WDR27: variants seen among roughly 807,000 people sequenced by gnomAD.
WDR27 encodes WD repeat-containing protein 27.
A neutral mutation model predicts 114.4 loss-of-function variants in WDR27; 100 were observed. That is an observed-to-expected ratio of 0.87 (90% CI 0.74 to 1.03). WDR27 has a LOEUF of 1.03. Ranked by LOEUF, WDR27 falls within the 50% of genes least tolerant of loss-of-function variation. The probability of loss-of-function intolerance (pLI) is 0.00; values close to 1 mark genes in which losing one functional copy is unlikely to be tolerated. For synonymous variants in WDR27, 449 were observed against 423.1 expected (o/e 1.06, Z -0.75); for missense variants, 1,129 against 1,092.9 (o/e 1.03, Z -0.47).
At chr6:169,649,866 C>G (rs936889469) in intron 14 of WDR27, among the ~76,000 whole-genome samples, 3 of 148,916 alleles carry the variant, frequency 2.0e-5, no homozygotes, top group Non-Finnish European at 4.5e-5. Context: ...ATCAATTGAG[C>G]CACTCATCCA....
At chr6:169,493,319 T>A (rs1790001843) in intron 25 of WDR27, among the ~76,000 whole-genome samples, 1 of 152,044 alleles carries the variant, frequency 6.6e-6, no homozygotes, top group Non-Finnish European at 1.5e-5. Context: ...TCTGGGAAGA[T>A]AAACAATCAC....
chr6:169,523,620 C>A (rs146368268), intron 25 of WDR27, among the ~76,000 whole-genome samples: 1 of 151,050 alleles, frequency 6.6e-6, no homozygotes, highest in African/African-American at 2.5e-5. Flanking sequence ...GGGATTCATC[C>A]TGGGGATGCC....
chr6:169,613,640 G>A lies in WDR27; in HGVS notation c.2240C>T (p.Thr747Ile). The change falls in exon 22 of 26, where the codon ACC becomes ATC. Residue 747 changes from threonine (T) to isoleucine (I), a missense_variant. Coordinates refer to ENST00000448612, the MANE Select transcript of WDR27 (RefSeq NM_182552.5). ...ICQNKGSSFT[T>I]QQPQAYNLFL... The stretch of plus-strand genomic sequence containing the variant: ...AAGGTTATAAGCCTGAGGCTGTTGG[G>A]TTGTAAATGATGAACCCTATAATTT... The A allele has an allele frequency of 1.9e-6, 3 of 1,613,450 alleles. No homozygotes were observed. The highest frequency in any genetic ancestry group is 1.7e-5 in the Admixed American group (1 of 60,012).
At chr6:169,506,717 T>C (rs968915190) in intron 25 of WDR27, among the ~76,000 whole-genome samples, 6 of 152,206 alleles carry the variant, frequency 3.9e-5, no homozygotes, top group African/African-American at 1.4e-4. Flanking sequence ...TTTGGAAAAA[T>C]AGATTGTACT....
chr6:169,447,472 G>A, the WDR27 span, among the ~76,000 whole-genome samples: 3 of 152,144 alleles, frequency 2.0e-5, no homozygotes, highest in Non-Finnish European at 4.4e-5. Context: ...ACTGGACAAA[G>A]CAATAACGAC....
At chr6:169,655,715 A>T (rs1037798071) in intron 13 of WDR27, among the ~76,000 whole-genome samples, 4 of 152,036 alleles carry the variant, frequency 2.6e-5, no homozygotes, top group African/African-American at 9.7e-5. Flanking sequence ...AGCAGGGCAG[A>T]GTTTTTTTTG....
At chr6:169,527,436 C>T (rs1217861328) in intron 25 of WDR27, among the ~76,000 whole-genome samples, 3 of 152,080 alleles carry the variant, frequency 2.0e-5, no homozygotes, top group East Asian at 1.9e-4. Flanking sequence ...TCCATAGAAA[C>T]AGAAATTAGA....
chr6:169,647,130 G>A (rs973235432), intron 16 of WDR27, among the ~76,000 whole-genome samples: 2 of 152,178 alleles, frequency 1.3e-5, no homozygotes, highest in African/African-American at 4.8e-5. Context: ...GAGGTCAAGA[G>A]GTCAAGAGCA....
intron 14 of WDR27, among the ~76,000 whole-genome samples, chr6:169,649,645 A>G (rs1375997418): frequency 6.6e-6 from 1 of 152,014 alleles, no homozygotes; most frequent in Non-Finnish European, 1.5e-5. Context: ...GACATGCCTT[A>G]ATATGGCAGA....
At chr6:169,490,340 G>A (rs968099153) in intron 25 of WDR27, among the ~76,000 whole-genome samples, 1 of 152,236 alleles carries the variant, frequency 6.6e-6, no homozygotes, top group African/African-American at 2.4e-5. Context: ...TTTGAACACT[G>A]TGCCAGTGTG....
intron 23 of WDR27, 77 bp from the exon 24 acceptor site, chr6:169,583,011 AC>A: frequency 7.8e-7 from 1 of 1,275,290 alleles, no homozygotes; most frequent in Non-Finnish European, 1.1e-6. Context: ...GAGCAGAGGG[AC>A]CATCTATAGA....
At chr6:169,657,911 G>A (rs1231315334) in intron 13 of WDR27, 6 of 198,028 alleles carry the variant, frequency 3.0e-5, no homozygotes, top group Non-Finnish European at 5.4e-5. Flanking sequence ...TCACACGCTC[G>A]GGATCTGCTT....
intron 21 of WDR27, among the ~76,000 whole-genome samples, chr6:169,625,479 C>T (rs922070245): frequency 1.3e-5 from 2 of 152,208 alleles, no homozygotes; most frequent in East Asian, 1.9e-4. Context: ...GCCCGTGACC[C>T]GGGCCACAGA....
At chr6:169,581,871 G>A (rs1036105527) in intron 24 of WDR27, among the ~76,000 whole-genome samples, 2 of 152,258 alleles carry the variant, frequency 1.3e-5, no homozygotes, top group African/African-American at 4.8e-5. Flanking sequence ...CTAGGCCAGA[G>A]CACACAGTCA....
chr6:169,651,825 C>T, intron 14 of WDR27, 105 bp downstream of exon 14: 3 of 991,458 alleles, frequency 3.0e-6, no homozygotes, highest in South Asian at 1.5e-5. Context: ...TGTCCTCTCT[C>T]CATACTGTGG....
chr6:169,557,209 T>C (rs867420715), intron 25 of WDR27, among the ~76,000 whole-genome samples: 24 of 152,264 alleles, frequency 1.6e-4, no homozygotes, highest in Middle Eastern at 3.4e-3. Flanking sequence ...GCCTCGGTGA[T>C]ATAAAGGAAG....
chr6:169,508,864 T>C lies in WDR27; in HGVS notation c.2646-51230A>G, dbSNP rs1220788006. ...ATGATGGACTTTATTCACTCTGGTA[T>C]ATTTAACTTTCATCCTTAAAGTTTT... On this transcript the variant is annotated intron_variant, in intron 25 of 25. Coordinates refer to ENST00000448612, the MANE Select transcript of WDR27 (RefSeq NM_182552.5). Among the ~76,000 whole-genome samples, 3 of 152,232 alleles carry C rather than the reference T, an allele frequency of 2.0e-5. No homozygotes were observed. In the East Asian group the frequency reaches 5.8e-4, roughly 29 times the overall value.
Position 169,646,213 on chromosome 6 carries a change from C to T in WDR27, c.1657+1560G>A, listed in dbSNP as rs79259000. ...ACACCTTGTAAGGCGCTGCCTTTGTCATCCTCGCCATCCTCCCTTAACAGA... is the reference window on the plus strand; with the variant it reads ...ACACCTTGTAAGGCGCTGCCTTTGTTATCCTCGCCATCCTCCCTTAACAGA... On this transcript the variant is annotated intron_variant, in intron 16 of 25. Coordinates refer to ENST00000448612, the MANE Select transcript of WDR27 (RefSeq NM_182552.5). Among the ~76,000 whole-genome samples, 1,286 of 152,320 alleles carry T rather than the reference C, an allele frequency of 8.4e-3. 13 individuals carry two copies. The highest frequency in any genetic ancestry group is 0.029 in the African/African-American group (1,212 of 41,572).
intron 25 of WDR27, among the ~76,000 whole-genome samples, chr6:169,553,750 C>T (rs1363886177): frequency 6.6e-6 from 1 of 152,188 alleles, no homozygotes; most frequent in Non-Finnish European, 1.5e-5. Context: ...GTTCTCTTCT[C>T]CCAGAACAAA....
Sources: gnomAD v4.1 joint callset for allele counts (sites outside exome capture counted in the v4.1 genomes callset) on GRCh38, gnomAD v4.1.1 for gene constraint, MANE v1.5 for transcripts, NCBI Gene and HGNC (gene_info 2026-07-23, HGNC 2026-07-21) for gene names.